The following UGT1A10 variants were observed in gnomAD, a reference collection of about 807,000 sequenced individuals.
UGT1A10 encodes the protein UDP glucuronosyltransferase family 1 member A10.
Under a neutral mutation model 45.8 loss-of-function variants are expected in UGT1A10, and 49 were observed. The ratio of observed to expected loss-of-function variants is 1.07; its 90% CI spans 0.85 to 1.36. The LOEUF (loss-of-function observed/expected upper bound fraction) is 1.36. Among genes scored for constraint, UGT1A10 ranks in the 40% most tolerant of loss-of-function variants. The pLI, the probability that UGT1A10 is intolerant of heterozygous loss-of-function variation, is 0.00. For synonymous variants in UGT1A10, 284 were observed against 249.7 expected, an observed-to-expected ratio of 1.14 and a Z score of -1.29; for missense variants, 745 against 668.6, an observed-to-expected ratio of 1.11 and a Z score of -1.26.
intron 1 of UGT1A10, chr2:233,719,680 T>C: frequency 1.2e-6 from 2 of 1,614,092 alleles, no homozygotes; most frequent in Non-Finnish European, 1.7e-6. Flanking sequence ...GGGAAGCCAC[T>C]ATCTCAGGTC....
intron 3 of UGT1A10, 40 bp from the exon 4 acceptor site, chr2:233,768,180 G>C: frequency 6.2e-7 from 1 of 1,613,956 alleles, no homozygotes; most frequent in Admixed American, 1.7e-5. Context: ...GTGAAACTCA[G>C]AGATGTAACT....
At chr2:233,657,467 G>A (rs1013590899) in intron 1 of UGT1A10, among the ~76,000 whole-genome samples, 2 of 152,174 alleles carry the variant, frequency 1.3e-5, no homozygotes, top group South Asian at 4.1e-4. Flanking sequence ...AAAAGGAGGG[G>A]TTGCCAGGAT....
At chr2:233,750,527 A>G (rs552056379) in intron 1 of UGT1A10, 33 of 152,112 alleles carry the variant, frequency 2.2e-4, no homozygotes, top group Admixed American at 4.6e-4. Flanking sequence ...ACAATGGGGA[A>G]AATGGCTTCA....
At chr2:233,649,159 G>C in intron 1 of UGT1A10, 5 of 510,778 alleles carry the variant, frequency 9.8e-6, no homozygotes, top group Non-Finnish European at 1.5e-5. Context: ...AAATTATTTT[G>C]TGCCATCCAC....
At chr2:233,676,086 C>G (rs2074345666) in intron 1 of UGT1A10, among the ~76,000 whole-genome samples, 1 of 152,150 alleles carries the variant, frequency 6.6e-6, no homozygotes, top group Admixed American at 6.5e-5. Flanking sequence ...CAAGATCATT[C>G]AAATGGGAAA....
chr2:233,699,030 G>A (rs1575464751), intron 1 of UGT1A10, among the ~76,000 whole-genome samples: 2 of 152,336 alleles, frequency 1.3e-5, no homozygotes, highest in South Asian at 4.1e-4. Flanking sequence ...CCACCAGGCA[G>A]TCCCAGATGT....
At chr2:233,741,367 C>T (rs1691641318) in intron 1 of UGT1A10, among the ~76,000 whole-genome samples, 1 of 151,832 alleles carries the variant, frequency 6.6e-6, no homozygotes, top group Non-Finnish European at 1.5e-5. Context: ...CACAATGAAA[C>T]TGCCCATGCC....
chr2:233,672,032 T>A (rs72551330), intron 1 of UGT1A10: 1 of 1,614,138 alleles, frequency 6.2e-7, no homozygotes, highest in East Asian at 2.2e-5. Flanking sequence ...GTAGTGCCCA[T>A]GGATGGGAGC....
At chr2:233,756,125 T>G (rs922243394) in intron 1 of UGT1A10, 6 of 152,194 alleles carry the variant, frequency 3.9e-5, no homozygotes, top group Non-Finnish European at 7.3e-5. Flanking sequence ...TTTGTAAAAT[T>G]CTCCTGAAAA....
intron 1 of UGT1A10, chr2:233,747,116 T>G: frequency 6.9e-7 from 1 of 1,446,720 alleles, no homozygotes; most frequent in South Asian, 1.3e-5. Context: ...CATGATGATT[T>G]GCTAAGTGGC....
At chr2:233,729,450 G>A (rs1394250627) in intron 1 of UGT1A10, 1 of 1,614,082 alleles carries the variant, frequency 6.2e-7, no homozygotes, top group Admixed American at 1.7e-5. Flanking sequence ...ATTTTCTGAA[G>A]AAATTTTTCA....
At chr2:233,722,345 T>C (rs2077007826) in intron 1 of UGT1A10, among the ~76,000 whole-genome samples, 2 of 152,264 alleles carry the variant, frequency 1.3e-5, no homozygotes, top group African/African-American at 4.8e-5. Context: ...GAAATTTTTC[T>C]ACAAATATAC....
intron 1 of UGT1A10, among the ~76,000 whole-genome samples, chr2:233,660,212 CCTT>C (rs1389852467): frequency 1.1e-4 from 17 of 152,184 alleles, no homozygotes; most frequent in Non-Finnish European, 2.5e-4. Context: ...ACAGTGTAAT[CCTT>C]CTAGATTTTC....
At chr2:233,745,472 G>A (rs1454081365) in intron 1 of UGT1A10, among the ~76,000 whole-genome samples, 1 of 151,704 alleles carries the variant, frequency 6.6e-6, no homozygotes, top group Non-Finnish European at 1.5e-5. Context: ...AGGGGAAAAT[G>A]ATTAACCAAA....
chr2:233,669,973 C>T (rs1222497145), intron 1 of UGT1A10, among the ~76,000 whole-genome samples: 1 of 152,090 alleles, frequency 6.6e-6, no homozygotes, highest in Non-Finnish European at 1.5e-5. Context: ...GTGTGAGCCA[C>T]CACGCCCAGC....
At chr2:233,650,611 T>C (rs1387002823) in intron 1 of UGT1A10, among the ~76,000 whole-genome samples, 1 of 152,228 alleles carries the variant, frequency 6.6e-6, no homozygotes, top group Non-Finnish European at 1.5e-5. Context: ...TTGACCATTT[T>C]TCCCATTAAC....
In UGT1A10 at chr2:233,746,980, G is replaced by A. The variant is rs1162758884; in HGVS notation, c.856-20054G>A. On this transcript the variant is annotated intron_variant, in intron 1 of 4. Transcript: ENST00000344644. Reference sequence around the variant, plus strand: ...AACTTGGATGTTCCCCAGAGCGAGCGCAGGGTCAGATGAGTTTTTCAAGTA... The same window carrying A: ...AACTTGGATGTTCCCCAGAGCGAGCACAGGGTCAGATGAGTTTTTCAAGTA... Among the ~76,000 whole-genome samples, 6 of 151,766 alleles carry A rather than the reference G, an allele frequency of 4.0e-5. 1 individual carries two copies. Among genetic ancestry groups the A allele is most frequent in the African/African-American group, 1.2e-4 (5 of 41,068 alleles).
intron 3 of UGT1A10, 43 bp from the exon 4 acceptor site, chr2:233,768,177 T>A (rs371628620): frequency 6.8e-6 from 11 of 1,613,824 alleles, no homozygotes; most frequent in Non-Finnish European, 9.3e-6. Flanking sequence ...GCTGTGAAAC[T>A]CAGAGATGTA....
intron 1 of UGT1A10, chr2:233,693,323 G>T: frequency 3.1e-6 from 5 of 1,614,140 alleles, no homozygotes; most frequent in Non-Finnish European, 4.2e-6. Context: ...ATTCCTAACT[G>T]CTCCTCAGAC....
Sources: gnomAD v4.1 joint callset for allele counts (sites outside exome capture counted in the v4.1 genomes callset) on GRCh38, gnomAD v4.1.1 for gene constraint, MANE v1.5 for transcripts, NCBI Gene and HGNC (gene_info 2026-07-23, HGNC 2026-07-21) for gene names.